The following ARHGAP15 variants were observed in gnomAD, a reference collection of about 807,000 sequenced individuals.
ARHGAP15 encodes the protein Rho GTPase activating protein 15, also known as rho GTPase-activating protein 15.
ARHGAP15 carries 51 observed loss-of-function variants against 63.7 expected under a neutral mutation model. That is an observed-to-expected ratio of 0.80 (90% confidence interval 0.64 to 1.01). ARHGAP15 has a LOEUF of 1.01. Ranked by LOEUF, ARHGAP15 falls within the 50% of genes least tolerant of loss-of-function variation. ARHGAP15 has a pLI of 0.00. For synonymous variants in ARHGAP15, 191 were observed against 193.8 expected (o/e 0.99, Z 0.12); for missense variants, 560 against 564.6 (o/e 0.99, Z 0.08).
chr2:143,334,210 ATC>A (rs1200929859), intron 6 of ARHGAP15, among the ~76,000 whole-genome samples: 1 of 152,142 alleles, frequency 6.6e-6, no homozygotes, highest in Non-Finnish European at 1.5e-5. Context: ...ACAATCACAG[ATC>A]TCTCTAATTT....
chr2:143,261,303 A>G (rs1301175567), intron 6 of ARHGAP15, among the ~76,000 whole-genome samples: 2 of 147,388 alleles, frequency 1.4e-5, no homozygotes, highest in Non-Finnish European at 3.0e-5. Flanking sequence ...TGACAGTGAC[A>G]GCTGTATCTT....
At chr2:143,180,923 C>T (rs143473470) in intron 2 of ARHGAP15, among the ~76,000 whole-genome samples, 2 of 152,120 alleles carry the variant, frequency 1.3e-5, no homozygotes, top group Non-Finnish European at 1.5e-5. Flanking sequence ...TCCGTCGCCT[C>T]GGCCTCCCAA....
At chr2:143,699,255 A>G (rs1387894841) in intron 12 of ARHGAP15, among the ~76,000 whole-genome samples, 1 of 151,904 alleles carries the variant, frequency 6.6e-6, no homozygotes, top group African/African-American at 2.4e-5. Context: ...GATTTGAATG[A>G]AAAAAAACAC....
intron 6 of ARHGAP15, among the ~76,000 whole-genome samples, chr2:143,434,327 T>C (rs1689515833): frequency 6.6e-6 from 1 of 152,110 alleles, no homozygotes; most frequent in African/African-American, 2.4e-5. Context: ...GCAGTACTGA[T>C]TAATATTGAA....
At chr2:143,162,867 C>A (rs1199329731) in intron 2 of ARHGAP15, among the ~76,000 whole-genome samples, 3 of 151,932 alleles carry the variant, frequency 2.0e-5, no homozygotes, top group Non-Finnish European at 4.4e-5. Context: ...GATGTTAACA[C>A]CCAAAAATTA....
chr2:143,313,818 A>C (rs1683560973), intron 6 of ARHGAP15, among the ~76,000 whole-genome samples: 1 of 152,168 alleles, frequency 6.6e-6, no homozygotes, highest in African/African-American at 2.4e-5. Context: ...TAGTACCCAG[A>C]TAGCAGAGTT....
intron 13 of ARHGAP15, among the ~76,000 whole-genome samples, chr2:143,744,533 G>A (rs988093786): frequency 1.3e-5 from 2 of 152,132 alleles, no homozygotes; most frequent in Admixed American, 1.3e-4. Flanking sequence ...CTATAAATCA[G>A]GAGTGTTGTC....
At chr2:143,761,517 GA>G (rs1686759281) in intron 13 of ARHGAP15, among the ~76,000 whole-genome samples, 1 of 110,808 alleles carries the variant, frequency 9.0e-6, no homozygotes, top group Non-Finnish European at 2.3e-5. Context: ...AAACTTAAAA[GA>G]AAGTTCACAT....
chr2:143,742,363 A>G (rs1685993992), intron 13 of ARHGAP15, among the ~76,000 whole-genome samples: 1 of 152,226 alleles, frequency 6.6e-6, no homozygotes, highest in Non-Finnish European at 1.5e-5. Flanking sequence ...CAGATCAGAC[A>G]TAGGTCATTT....
chr2:143,677,287 TAACTGAACCATG>T (rs1682874988), intron 12 of ARHGAP15, among the ~76,000 whole-genome samples: 1 of 152,268 alleles, frequency 6.6e-6, no homozygotes, highest in Non-Finnish European at 1.5e-5. Flanking sequence ...GTGTATCTGT[TAACTGAACCATG>T]AATGGAACCA....
intron 6 of ARHGAP15, among the ~76,000 whole-genome samples, chr2:143,415,589 TTAAAAAG>T (rs1688640126): frequency 6.6e-6 from 1 of 152,218 alleles, no homozygotes; most frequent in African/African-American, 2.4e-5. Flanking sequence ...TTGATAAATA[TTAAAAAG>T]TAAAAAGATT....
chr2:143,398,480 G>C (rs1041744906), intron 6 of ARHGAP15, among the ~76,000 whole-genome samples: 6 of 152,074 alleles, frequency 3.9e-5, no homozygotes, highest in Non-Finnish European at 5.9e-5. Flanking sequence ...TGGGTTAAGA[G>C]CTTCCTCCAA....
In ARHGAP15 at chr2:143,533,847, A is replaced by T. The variant is rs374884798; in HGVS notation, c.925+14483A>T. The stretch of plus-strand genomic sequence containing the variant: ...ATTGCCTTTATTAAGGTTTATTTTA[A>T]AACTTAAGAGCAGATTGGAAATCTA... On this transcript the variant is annotated intron_variant, in intron 10 of 13. Coordinates refer to ENST00000295095, the MANE Select transcript of ARHGAP15 (RefSeq NM_018460.4). Among the ~76,000 whole-genome samples, 168 of 152,302 alleles carry T rather than the reference A, an allele frequency of 1.1e-3. 1 individual carries two copies. Among genetic ancestry groups the T allele is most frequent in the African/African-American group, 3.9e-3 (162 of 41,572 alleles).
intron 1 of ARHGAP15, among the ~76,000 whole-genome samples, chr2:143,144,997 C>A (rs1689520866): frequency 1.3e-5 from 2 of 152,052 alleles, no homozygotes; most frequent in African/African-American, 4.8e-5. Context: ...AATTTCTCAG[C>A]CTCTCCCTCA....
chr2:143,417,322 G>A (rs147684270), intron 6 of ARHGAP15, among the ~76,000 whole-genome samples: 2 of 152,246 alleles, frequency 1.3e-5, no homozygotes, highest in African/African-American at 4.8e-5. Flanking sequence ...CTTATGCATA[G>A]GTGTGAACGG....
chr2:143,543,651 A>G (rs1383998244), intron 10 of ARHGAP15, among the ~76,000 whole-genome samples: 2 of 151,808 alleles, frequency 1.3e-5, no homozygotes, highest in Non-Finnish European at 2.9e-5. Context: ...TATTAAATAT[A>G]TATATATAAA....
chr2:143,346,013 G>A (rs1390791695), intron 6 of ARHGAP15, among the ~76,000 whole-genome samples: 1 of 151,848 alleles, frequency 6.6e-6, no homozygotes, highest in African/African-American at 2.4e-5. Context: ...ATTTTTTTGA[G>A]TCATGATTGT....
intron 12 of ARHGAP15, among the ~76,000 whole-genome samples, chr2:143,658,106 T>C (rs1681553003): frequency 6.6e-6 from 1 of 152,254 alleles, no homozygotes; most frequent in Non-Finnish European, 1.5e-5. Flanking sequence ...TCTTGAGCCA[T>C]CTTCCTGTAC....
intron 10 of ARHGAP15, among the ~76,000 whole-genome samples, chr2:143,526,718 A>G (rs1694297725): frequency 6.6e-6 from 1 of 152,208 alleles, no homozygotes; most frequent in Admixed American, 6.5e-5. Flanking sequence ...ATTTGAGAAA[A>G]AATTGCATGC....
Sources: allele counts gnomAD v4.1 joint callset (sites outside exome capture counted in the v4.1 genomes callset), GRCh38; gene constraint gnomAD v4.1.1; transcripts MANE v1.5; gene names NCBI Gene and HGNC (gene_info 2026-07-23, HGNC 2026-07-21).